ABI1: variants seen among roughly 807,000 people sequenced by gnomAD.
The protein encoded by ABI1 is abl interactor 1.
A neutral mutation model predicts 54.6 loss-of-function variants in ABI1; 14 were observed. The observed-to-expected ratio is 0.26, with a 90% CI of 0.17 to 0.40. The LOEUF (loss-of-function observed/expected upper bound fraction) is 0.40. ABI1 is among the 10% of genes least tolerant of loss of function. The pLI, the probability that ABI1 is intolerant of heterozygous loss-of-function variation, is 1.00. For synonymous variants in ABI1, 194 were observed against 209.3 expected (o/e 0.93, Z 0.63); for missense variants, 443 against 598.3 (o/e 0.74, Z 2.71).
At chr10:26,835,207 G>A (rs1381990830) in intron 1 of ABI1, among the ~76,000 whole-genome samples, 2 of 151,908 alleles carry the variant, frequency 1.3e-5, no homozygotes, top group Admixed American at 1.3e-4. Flanking sequence ...TGGAGAAAGG[G>A]GAATACCCAT....
At chr10:26,839,274 A>G (rs543120890) in intron 1 of ABI1, among the ~76,000 whole-genome samples, 1 of 152,290 alleles carries the variant, frequency 6.6e-6, no homozygotes, top group Admixed American at 6.5e-5. Flanking sequence ...AGGAAAGTGG[A>G]TTGCTTGAGC....
intron 8 of ABI1, among the ~76,000 whole-genome samples, chr10:26,757,702 G>A (rs903307447): frequency 6.6e-6 from 1 of 152,094 alleles, no homozygotes; most frequent in African/African-American, 2.4e-5. Context: ...TGTGAATTTT[G>A]ATATTTCTGA....
At chr10:26,795,625 A>C (rs1286081325) in intron 2 of ABI1, among the ~76,000 whole-genome samples, 2 of 152,170 alleles carry the variant, frequency 1.3e-5, no homozygotes, top group Middle Eastern at 3.2e-3. Context: ...ATGAAAAGGA[A>C]ATTAAGAAAA....
chr10:26,774,235 T>C (rs1841101022), intron 3 of ABI1, among the ~76,000 whole-genome samples: 1 of 152,234 alleles, frequency 6.6e-6, no homozygotes, highest in Non-Finnish European at 1.5e-5. Flanking sequence ...TTTACTCTTG[T>C]ATTGTCCTCG....
intron 1 of ABI1, among the ~76,000 whole-genome samples, chr10:26,839,323 C>T (rs1334562323): frequency 6.6e-6 from 1 of 151,902 alleles, no homozygotes; most frequent in African/African-American, 2.4e-5. Flanking sequence ...ATGGCAAAAC[C>T]TCATCTCTAC....
chr10:26,758,395 T>G (rs1838630091), intron 8 of ABI1, among the ~76,000 whole-genome samples: 1 of 152,216 alleles, frequency 6.6e-6, no homozygotes, highest in Admixed American at 6.5e-5. Flanking sequence ...GTGATATTAA[T>G]GACTACCCTA....
chr10:26,808,075 C>T (rs1308025751), intron 2 of ABI1, among the ~76,000 whole-genome samples: 2 of 151,900 alleles, frequency 1.3e-5, no homozygotes, highest in African/African-American at 2.4e-5. Flanking sequence ...CTGGGCGTCA[C>T]GAGACTCTGT....
At chr10:26,837,484 G>A (rs2049165946) in intron 1 of ABI1, among the ~76,000 whole-genome samples, 1 of 152,180 alleles carries the variant, frequency 6.6e-6, no homozygotes, top group African/African-American at 2.4e-5. Context: ...AAGGATGGCA[G>A]GGGGACACAA....
intron 1 of ABI1, among the ~76,000 whole-genome samples, chr10:26,833,326 C>T (rs182545746): frequency 2.0e-5 from 3 of 152,262 alleles, no homozygotes; most frequent in East Asian, 1.9e-4. Flanking sequence ...TAAGCCTTTT[C>T]GATTCAATCT....
At chr10:26,814,272 G>T (rs1018109408) in intron 2 of ABI1, among the ~76,000 whole-genome samples, 3 of 152,118 alleles carry the variant, frequency 2.0e-5, no homozygotes, top group Non-Finnish European at 4.4e-5. Flanking sequence ...CCCATCTTTT[G>T]ATTTCTAATG....
chr10:26,774,953 A>G (rs1024304373), intron 3 of ABI1, among the ~76,000 whole-genome samples: 1 of 152,312 alleles, frequency 6.6e-6, no homozygotes, highest in Non-Finnish European at 1.5e-5. Flanking sequence ...CAGAAAACAA[A>G]GGATTCTTAC....
At chr10:26,856,433 CAAAAAAAAAAAAA>C (rs58195958) in intron 1 of ABI1, among the ~76,000 whole-genome samples, 22 of 57,780 alleles carry the variant, frequency 3.8e-4, no homozygotes, top group African/African-American at 9.1e-4. Context: ...ATCTGTTACT[CAAAAAAAAAAAAA>C]AAAAAAAAAA....
At chr10:26,851,257 G>A (rs113312561) in intron 1 of ABI1, among the ~76,000 whole-genome samples, 6,128 of 151,498 alleles carry the variant, frequency 0.04, 431 homozygotes, top group African/African-American at 0.14. Context: ...GTGCAGTGGC[G>A]CAACCATAGC....
chr10:26,787,706 T>G (rs1436082636), intron 2 of ABI1, among the ~76,000 whole-genome samples: 1 of 152,274 alleles, frequency 6.6e-6, no homozygotes, highest in East Asian at 1.9e-4. Context: ...CTTTCATACA[T>G]TTTTCTTCAA....
At chr10:26,840,570 T>C (rs1382778246) in intron 1 of ABI1, among the ~76,000 whole-genome samples, 1 of 152,178 alleles carries the variant, frequency 6.6e-6, no homozygotes, top group East Asian at 1.9e-4. Context: ...AGGACCAGTA[T>C]GACACTACCT....
intron 1 of ABI1, among the ~76,000 whole-genome samples, chr10:26,848,605 C>CT (rs35694402): frequency 0.21 from 22,268 of 107,192 alleles, 3,482 homozygotes; most frequent in African/African-American, 0.34. Context: ...TAAGAAGAGG[C>CT]TTTTTTTTTT....
rs1411496350 is a variant in ABI1 at position 26,746,648 on chromosome 10, T to A, written c.*1922A>T. The A allele has an allele frequency of 9.6e-6, 6 of 628,064 alleles. No individual in the cohort carries two copies. In the East Asian group the frequency reaches 1.1e-4, roughly 12 times the overall value. 38.9% of individuals were successfully genotyped at this position (628,064 alleles called of 1,614,324 possible). A position where few individuals can be genotyped will look rare whatever the true frequency, so the allele number is the denominator to read the frequency against. ...GCAAAAGTTTTTTCAGAAAACTTTTTAAATGTAATTAATAAACCACCTGAA... is the reference window on the plus strand; with the variant it reads ...GCAAAAGTTTTTTCAGAAAACTTTTAAAATGTAATTAATAAACCACCTGAA... On this transcript the variant is annotated 3_prime_UTR_variant, in exon 11 of 11. Coordinates refer to ENST00000376140, the MANE Select transcript of ABI1 (RefSeq NM_001012750.3).
Position 26,770,296 on chromosome 10 carries a change from G to A in ABI1, c.527C>T (p.Pro176Leu). Residue 176 changes from proline to leucine, a missense_variant, in exon 5 of 11, where the codon CCT becomes CTT. Around this residue, in one of 2 missense-constraint regions of ABI1, gnomAD observed 394 missense variants for 484.8 expected, o/e 0.81. Coordinates refer to ENST00000376140, the MANE Select transcript of ABI1 (RefSeq NM_001012750.3). ...ARTGTLSRTN[P>L]PTQKPPSPPM... ...AGGACTTGGCGGTTTCTGAGTAGGA[G>A]GATTTGTTCTCGACAGTGTGCCAGT... 4.3e-6 allele frequency: 7 copies of A among 1,614,018 alleles called. No homozygotes were observed. The highest frequency in any genetic ancestry group is 5.9e-6 in the Non-Finnish European group (7 of 1,179,914).
Position 26,755,688 on chromosome 10 carries a change from G to A in ABI1, c.1051C>T (p.Leu351Phe). Reference protein sequence around the residue: ...PMPQLTPQIPLTGFVARVQEN... With the variant: ...PMPQLTPQIPFTGFVARVQEN... Reference sequence around the variant, plus strand: ...TGCACCCTGGCCACGAAGCCTGTGAGAGGTATCTGTGGAGTCAACTGAGGC... The same window carrying A: ...TGCACCCTGGCCACGAAGCCTGTGAAAGGTATCTGTGGAGTCAACTGAGGC... Residue 351 changes from leucine to phenylalanine, a missense_variant, in exon 9 of 11, where the codon CTC becomes TTC. Physicochemically the swap from Leu to Phe is conservative, Grantham distance 22. Around this residue, in one of 2 missense-constraint regions of ABI1, gnomAD observed 394 missense variants for 484.8 expected, o/e 0.81. Transcript: ENST00000376140. The A allele has an allele frequency of 6.2e-7, 1 of 1,613,718 alleles. No homozygotes were observed. The highest frequency in any genetic ancestry group is 8.5e-7 in the Non-Finnish European group (1 of 1,179,718).
Sources: gnomAD v4.1 joint callset for allele counts (sites outside exome capture counted in the v4.1 genomes callset) on GRCh38, gnomAD v4.1.1 for gene constraint, gnomAD v4.1.1 regional missense constraint, MANE v1.5 for transcripts, NCBI Gene and HGNC (gene_info 2026-07-23, HGNC 2026-07-21) for gene names.